The following SOX5 variants were observed in gnomAD, a reference collection of about 807,000 sequenced individuals.
SOX5 encodes the protein SRY-box transcription factor 5.
In SOX5, 9 loss-of-function variants were observed where a neutral mutation model predicts 92.0. The ratio of observed to expected loss-of-function variants is 0.10; its 90% CI spans 0.06 to 0.17. The LOEUF (loss-of-function observed/expected upper bound fraction) is 0.17, where lower values mean the gene tolerates loss of function less well. Ranked by LOEUF, SOX5 falls within the 10% of genes least tolerant of loss-of-function variation. The pLI is 1.00. For synonymous variants in SOX5, 344 were observed against 336.3 expected, an observed-to-expected ratio of 1.02 and a Z score of -0.25; for missense variants, 642 against 944.5, an observed-to-expected ratio of 0.68 and a Z score of 4.20.
chr12:24,434,528 T>C (rs937256539), intron 1 of SOX5, among the ~76,000 whole-genome samples: 1 of 152,158 alleles, frequency 6.6e-6, no homozygotes, highest in Non-Finnish European at 1.5e-5. Context: ...TGGATTTGTG[T>C]TCCCATCCAA....
chr12:23,563,376 G>A lies in SOX5; in HGVS notation c.1370C>T (p.Thr457Ile), dbSNP rs1382437374. 6 of 1,613,862 alleles carry A rather than the reference G, an allele frequency of 3.7e-6. No homozygotes were observed. Among genetic ancestry groups the A allele is most frequent in the Non-Finnish European group, 4.2e-6 (5 of 1,179,914 alleles). The change falls in exon 11 of 15, where the codon ACC (threonine) becomes ATC (isoleucine). Residue 457 changes from threonine (T) to isoleucine (I), a missense_variant. This residue lies in a region of SOX5 where 324 missense variants were observed against 461.6 expected (regional missense o/e 0.70). Coordinates refer to ENST00000451604, the MANE Select transcript of SOX5 (RefSeq NM_006940.6). ...IGYLNDHDAV[T>I]KAIQEARQMK... ...TTGCCGAGCTTCTTGGATTGCCTTG[G>A]TGACAGCATCATGGTCATTTAAGTA...
At chr12:23,748,511 A>C (rs2094074548) in intron 4 of SOX5, among the ~76,000 whole-genome samples, 1 of 152,082 alleles carries the variant, frequency 6.6e-6, no homozygotes, top group African/African-American at 2.4e-5. Flanking sequence ...AAATCAAATC[A>C]TCAAAATCAA....
chr12:24,140,198 G>A (rs1482317788), intron 4 of SOX5, among the ~76,000 whole-genome samples: 1 of 151,978 alleles, frequency 6.6e-6, no homozygotes, highest in Non-Finnish European at 1.5e-5. Flanking sequence ...TGGCATTTCT[G>A]ATCTCGATCA....
chr12:23,836,128 T>G (rs1053738630), intron 3 of SOX5, among the ~76,000 whole-genome samples: 5 of 151,910 alleles, frequency 3.3e-5, no homozygotes, highest in Non-Finnish European at 5.9e-5. Flanking sequence ...ATATATTCAA[T>G]GTCTTGATAG....
At chr12:23,839,218 C>T (rs1476794737) in intron 3 of SOX5, among the ~76,000 whole-genome samples, 1 of 151,996 alleles carries the variant, frequency 6.6e-6, no homozygotes, top group African/African-American at 2.4e-5. Flanking sequence ...GTGCTCTTTC[C>T]TGTTGGGACT....
intron 2 of SOX5, among the ~76,000 whole-genome samples, chr12:24,339,232 G>T (rs1225096097): frequency 6.7e-6 from 1 of 149,718 alleles, no homozygotes; most frequent in Non-Finnish European, 1.5e-5. Flanking sequence ...GCAGGATGCA[G>T]CCCAGTAGAC....
intron 3 of SOX5, among the ~76,000 whole-genome samples, chr12:24,259,690 A>G (rs1480183968): frequency 6.6e-6 from 1 of 152,244 alleles, no homozygotes; most frequent in Non-Finnish European, 1.5e-5. Flanking sequence ...TAGGTGTCCA[A>G]CAATGCATCA....
At chr12:24,303,603 A>T (rs1395038852) in intron 2 of SOX5, among the ~76,000 whole-genome samples, 1 of 152,210 alleles carries the variant, frequency 6.6e-6, no homozygotes, top group African/African-American at 2.4e-5. Flanking sequence ...TCCAGATGTA[A>T]TTCCTATAGT....
intron 4 of SOX5, among the ~76,000 whole-genome samples, chr12:24,067,746 C>T (rs957671553): frequency 2.6e-4 from 40 of 151,412 alleles, no homozygotes; most frequent in African/African-American, 9.7e-4. Flanking sequence ...AATCAGTAAA[C>T]AAAGAAAAAA....
intron 4 of SOX5, among the ~76,000 whole-genome samples, chr12:24,153,305 G>T (rs1951842046): frequency 6.6e-6 from 1 of 152,072 alleles, no homozygotes; most frequent in Non-Finnish European, 1.5e-5. Flanking sequence ...ACTCATTCTG[G>T]GAGAAGGAGG....
intron 4 of SOX5, among the ~76,000 whole-genome samples, chr12:24,059,379 C>A (rs1276282058): frequency 1.3e-5 from 2 of 148,314 alleles, no homozygotes; most frequent in African/African-American, 4.9e-5. Context: ...ATAAATAAAC[C>A]CCACACTTGG....
intron 11 of SOX5, among the ~76,000 whole-genome samples, chr12:23,562,421 AAGTCTGTTTGACTC>A (rs1946374689): frequency 6.6e-6 from 1 of 152,222 alleles, no homozygotes; most frequent in African/African-American, 2.4e-5. Context: ...CATTCTGGAC[AAGTCTGTTTGACTC>A]ATAAGCTTCC....
At chr12:23,862,509 A>C (rs1190115794) in intron 2 of SOX5, among the ~76,000 whole-genome samples, 1 of 152,210 alleles carries the variant, frequency 6.6e-6, no homozygotes, top group African/African-American at 2.4e-5. Flanking sequence ...GACTGGCTTT[A>C]AAAAACAGTG....
At chr12:24,138,234 T>C (rs1950274816) in intron 4 of SOX5, among the ~76,000 whole-genome samples, 1 of 152,252 alleles carries the variant, frequency 6.6e-6, no homozygotes, top group Non-Finnish European at 1.5e-5. Context: ...CAGCTGTTCA[T>C]TCCTGTGTTC....
intron 1 of SOX5, among the ~76,000 whole-genome samples, chr12:23,924,514 T>C (rs1194147371): frequency 6.6e-6 from 1 of 152,160 alleles, no homozygotes; most frequent in Non-Finnish European, 1.5e-5. Context: ...TCTATCAGAA[T>C]GTCCTTAGTT....
At chr12:24,339,163 CCACACACACACACACACACA>C (rs56243419) in intron 2 of SOX5, among the ~76,000 whole-genome samples, 1 of 140,382 alleles carries the variant, frequency 7.1e-6, no homozygotes, top group Admixed American at 7.2e-5. Context: ...TCTCTCTCTG[CCACACACACACACACACACA>C]CACACACACA....
intron 1 of SOX5, among the ~76,000 whole-genome samples, chr12:24,428,758 A>AAAAAAAAAAAAAACAAAAAAC (rs1967051400): frequency 8.2e-6 from 1 of 121,528 alleles, no homozygotes; most frequent in Non-Finnish European, 1.7e-5. Flanking sequence ...AAAAAAAAAA[A>AAAAAAAAAAAAAACAAAAAAC]AGCTAATTTC....
chr12:23,935,986 T>G (rs893577402), intron 1 of SOX5, among the ~76,000 whole-genome samples: 3 of 151,086 alleles, frequency 2.0e-5, no homozygotes, highest in Admixed American at 1.3e-4. Context: ...ATTAGGCAAC[T>G]CTCTCTGTTT....
At chr12:24,424,066 A>G (rs1341188834) in intron 1 of SOX5, among the ~76,000 whole-genome samples, 1 of 152,226 alleles carries the variant, frequency 6.6e-6, no homozygotes, top group Non-Finnish European at 1.5e-5. Flanking sequence ...ATATAAAATC[A>G]CCAACCACTG....
Sources: gnomAD v4.1 joint callset for allele counts (sites outside exome capture counted in the v4.1 genomes callset) on GRCh38, gnomAD v4.1.1 for gene constraint, gnomAD v4.1.1 regional missense constraint, MANE v1.5 for transcripts, NCBI Gene and HGNC (gene_info 2026-07-23, HGNC 2026-07-21) for gene names.